The following PCDH15 variants were observed in gnomAD, a reference collection of about 807,000 sequenced individuals.
PCDH15 encodes the protein protocadherin-15.
In PCDH15, 129 loss-of-function variants were observed where a neutral mutation model predicts 178.5. That is an observed-to-expected ratio of 0.72 (90% confidence interval 0.63 to 0.84). The LOEUF is 0.84. PCDH15 is among the 40% of genes least tolerant of loss of function. The pLI is 0.00. For missense variants in PCDH15, 2,230 were observed against 2,099.9 expected (o/e 1.06, Z -1.21); for synonymous variants, 800 against 732.0 (o/e 1.09, Z -1.50).
chr10:53,966,883 T>C (rs928058853), intron 21 of PCDH15, among the ~76,000 whole-genome samples: 4 of 151,566 alleles, frequency 2.6e-5, no homozygotes, highest in Non-Finnish European at 4.4e-5. Context: ...CAATTAAATA[T>C]TTAAATAATC....
At chr10:54,913,140 A>G (rs1429225769) in intron 2 of PCDH15, among the ~76,000 whole-genome samples, 2 of 152,222 alleles carry the variant, frequency 1.3e-5, no homozygotes. Flanking sequence ...GCAGAAATTT[A>G]CATAAGTAAA....
intron 1 of PCDH15, among the ~76,000 whole-genome samples, chr10:54,784,736 A>C (rs977524584): frequency 6.6e-6 from 1 of 151,822 alleles, no homozygotes; most frequent in African/African-American, 2.4e-5. Context: ...GCAAAAATAA[A>C]TACTGGGAAA....
rs149536316 is a variant in PCDH15, at chr10:55,491,534, T to C, written c.-156+136091A>G. On this transcript the variant is annotated intron_variant, in intron 2 of 5. Coordinates refer to the PCDH15 transcript ENST00000613346. ...TGGGGAGTAATTCCAGAAAAATGAG[T>C]CTGGCCTCTAGCTTTTGTGCAATGG... is the stretch of plus-strand genomic sequence containing the variant. Among the ~76,000 whole-genome samples, 341 of 151,448 alleles carry C rather than the reference T, an allele frequency of 2.3e-3. 2 individuals carry two copies. The highest frequency in any genetic ancestry group is 8.0e-3 in the African/African-American group (329 of 41,370).
At chr10:55,276,248 G>A (rs891230481) in intron 1 of PCDH15, among the ~76,000 whole-genome samples, 22 of 150,404 alleles carry the variant, frequency 1.5e-4, no homozygotes, top group Admixed American at 2.6e-4. Flanking sequence ...AATATAATAC[G>A]AAATAGAAGT....
Position 54,236,948 on chromosome 10 carries a change from G to C in PCDH15, c.877-17C>G, listed in dbSNP as rs745322612. The stretch of plus-strand genomic sequence containing the variant: ...CAGTTCTTCCTGAAAAAAAAATTAA[G>C]AGAGTTTCATTCAGCCGCATTACTA... On this transcript the variant is annotated splice_polypyrimidine_tract_variant and intron_variant, in intron 8 of 37. Transcript: ENST00000644397. 35 of 1,587,528 alleles carry C rather than the reference G, an allele frequency of 2.2e-5. No individual in the cohort carries two copies. The highest frequency in any genetic ancestry group is 2.9e-5 in the Non-Finnish European group (34 of 1,156,094).
chr10:54,007,696 C>T (rs1234361163), intron 20 of PCDH15, among the ~76,000 whole-genome samples: 1 of 151,992 alleles, frequency 6.6e-6, no homozygotes. Context: ...TTGAATTTTC[C>T]CATTCTTGCT....
intron 2 of PCDH15, among the ~76,000 whole-genome samples, chr10:55,451,304 C>T (rs759805626): frequency 1.6e-4 from 25 of 152,056 alleles, no homozygotes; most frequent in African/African-American, 5.3e-4. Context: ...CGAGGCCATC[C>T]TGGCTAACAC....
At chr10:54,053,702 A>G (rs2093825541) in intron 18 of PCDH15, among the ~76,000 whole-genome samples, 1 of 152,190 alleles carries the variant, frequency 6.6e-6, no homozygotes, top group African/African-American at 2.4e-5. Context: ...CTAGAGATAA[A>G]GTTGTCAAAG....
chr10:55,533,108 G>A (rs974900906), intron 2 of PCDH15, among the ~76,000 whole-genome samples: 4 of 151,928 alleles, frequency 2.6e-5, no homozygotes, highest in African/African-American at 7.2e-5. Flanking sequence ...TATGACAGAC[G>A]CACACCCAAC....
At chr10:53,890,209 C>T (rs2081457753) in intron 26 of PCDH15, among the ~76,000 whole-genome samples, 1 of 152,184 alleles carries the variant, frequency 6.6e-6, no homozygotes, top group Admixed American at 6.5e-5. Context: ...AGGCGGATCA[C>T]AAGGTCAGGA....
intron 8 of PCDH15, among the ~76,000 whole-genome samples, chr10:54,290,098 T>C (rs115747018): frequency 9.3e-4 from 142 of 152,244 alleles, no homozygotes; most frequent in African/African-American, 3.3e-3. Context: ...AATTGTCAGA[T>C]TCACCAAGGT....
At chr10:54,094,356 T>C (rs2094658374) in intron 15 of PCDH15, among the ~76,000 whole-genome samples, 2 of 152,122 alleles carry the variant, frequency 1.3e-5, no homozygotes, top group South Asian at 2.1e-4. Flanking sequence ...AAAGGACATA[T>C]ATGGAGAGCA....
chr10:54,746,809 A>G (rs1038408468), intron 1 of PCDH15, among the ~76,000 whole-genome samples: 3 of 152,110 alleles, frequency 2.0e-5, no homozygotes, highest in African/African-American at 7.2e-5. Context: ...GCAAAGGGAA[A>G]AGGCTTATGG....
chr10:55,255,725 G>A (rs1350492513), intron 1 of PCDH15, among the ~76,000 whole-genome samples: 1 of 152,180 alleles, frequency 6.6e-6, no homozygotes, highest in Non-Finnish European at 1.5e-5. Context: ...ATTTCTTCAT[G>A]TGTCTTTTGG....
At chr10:54,295,771 C>T (rs527355360) in intron 8 of PCDH15, among the ~76,000 whole-genome samples, 7 of 152,276 alleles carry the variant, frequency 4.6e-5, no homozygotes, top group South Asian at 4.2e-4. Flanking sequence ...TGAGTACCAT[C>T]GGACCCCTTT....
intron 8 of PCDH15, among the ~76,000 whole-genome samples, chr10:54,313,408 T>C (rs1203319613): frequency 6.6e-6 from 1 of 152,066 alleles, no homozygotes; most frequent in Non-Finnish European, 1.5e-5. Flanking sequence ...AATATTATAG[T>C]ACAACAAGGG....
rs1192705614 is a variant in PCDH15, at chr10:54,512,515, G to T, written c.157+15297C>A. On this transcript the variant is annotated intron_variant, in intron 3 of 37. Coordinates refer to ENST00000644397, the MANE Select transcript of PCDH15 (RefSeq NM_001384140.1). ...ATTTTAATTTTTTAATGAAGAAAGG[G>T]TTATCAAAATTTAGTTACTACTTCT... Among the ~76,000 whole-genome samples, 5 of 151,826 alleles carry T rather than the reference G, an allele frequency of 3.3e-5. No individual in the cohort carries two copies. The South Asian group carries it at 6.2e-4, about 19-fold the overall frequency.
chr10:53,913,920 A>G (rs749424908), intron 25 of PCDH15, among the ~76,000 whole-genome samples: 2 of 152,216 alleles, frequency 1.3e-5, no homozygotes, highest in Non-Finnish European at 2.9e-5. Flanking sequence ...CTTACCAGAA[A>G]AAATCAAACA....
intron 8 of PCDH15, among the ~76,000 whole-genome samples, chr10:54,296,499 C>A (rs1279507703): frequency 1.3e-5 from 2 of 152,122 alleles, no homozygotes. Flanking sequence ...TGCCTCTCTT[C>A]TCTGAGGCTA....
Sources: gnomAD v4.1 joint callset for allele counts (sites outside exome capture counted in the v4.1 genomes callset) on GRCh38, gnomAD v4.1.1 for gene constraint, MANE v1.5 for transcripts, NCBI Gene and HGNC (gene_info 2026-07-23, HGNC 2026-07-21) for gene names.